MACROD2: variants seen among roughly 807,000 people sequenced by gnomAD.
MACROD2 encodes mono-ADP ribosylhydrolase 2.
Under a neutral mutation model 70.4 loss-of-function variants are expected in MACROD2, and 36 were observed. That is an observed-to-expected ratio of 0.51 (90% CI 0.39 to 0.68). MACROD2 has a LOEUF of 0.68. MACROD2 is among the 30% of genes least tolerant of loss of function. MACROD2 has a pLI of 0.00. For missense variants in MACROD2, 496 were observed against 538.4 expected (o/e 0.92, Z 0.78); for synonymous variants, 172 against 178.8 (o/e 0.96, Z 0.30).
intron 7 of MACROD2, among the ~76,000 whole-genome samples, chr20:15,477,740 G>T (rs569490601): frequency 2.0e-5 from 3 of 152,284 alleles, no homozygotes; most frequent in African/African-American, 2.4e-5. Flanking sequence ...TCCTTGCATG[G>T]CAAAAGAGAC....
Position 14,678,870 on chromosome 20 carries a change from A to C in MACROD2, c.302-5973A>C, listed in dbSNP as rs6110386. Among the ~76,000 whole-genome samples the C allele has an allele frequency of 5.5e-3, 832 of 152,256 alleles. 3 individuals carry two copies. Among genetic ancestry groups the C allele is most frequent in the Non-Finnish European group, 8.0e-3 (541 of 68,026 alleles). On this transcript the variant is annotated intron_variant, in intron 4 of 17. Coordinates refer to ENST00000684519, the MANE Select transcript of MACROD2 (RefSeq NM_001351661.2). ...CCTCATCACCAGATTTGTGATGACA[A>C]CACTAGCTGTGTATTTGACTTTACT... is the stretch of plus-strand genomic sequence containing the variant.
At chr20:15,689,603 T>C (rs1347135159) in intron 8 of MACROD2, among the ~76,000 whole-genome samples, 1 of 151,970 alleles carries the variant, frequency 6.6e-6, no homozygotes, top group Non-Finnish European at 1.5e-5. Flanking sequence ...TCTAGTAAAA[T>C]TTCTAAGATT....
intron 8 of MACROD2, among the ~76,000 whole-genome samples, chr20:15,705,982 T>G (rs765824661): frequency 9.9e-5 from 15 of 152,220 alleles, no homozygotes; most frequent in Admixed American, 3.9e-4. Flanking sequence ...CCAAGTCATT[T>G]TAAAAACATA....
At chr20:15,143,545 T>C (rs2076207984) in intron 5 of MACROD2, among the ~76,000 whole-genome samples, 1 of 152,206 alleles carries the variant, frequency 6.6e-6, no homozygotes, top group Non-Finnish European at 1.5e-5. Context: ...TTTTGGCTTT[T>C]GTTGCCATTG....
intron 12 of MACROD2, among the ~76,000 whole-genome samples, chr20:15,945,457 A>G (rs1311785497): frequency 2.0e-5 from 3 of 152,210 alleles, no homozygotes; most frequent in Non-Finnish European, 4.4e-5. Flanking sequence ...CTATTGCCAC[A>G]TAGACTATGC....
chr20:14,178,941 T>C (rs2081285725), intron 3 of MACROD2, among the ~76,000 whole-genome samples: 2 of 152,172 alleles, frequency 1.3e-5, no homozygotes, highest in South Asian at 4.1e-4. Context: ...GCATTCCTAA[T>C]GTCTAGGCTC....
At chr20:15,808,092 C>T (rs1035802523) in intron 8 of MACROD2, among the ~76,000 whole-genome samples, 4 of 152,094 alleles carry the variant, frequency 2.6e-5, no homozygotes, top group African/African-American at 4.8e-5. Flanking sequence ...AACCCTGTCA[C>T]GCGGACCCCC....
At chr20:14,857,358 C>A (rs2073266064) in intron 5 of MACROD2, among the ~76,000 whole-genome samples, 1 of 152,200 alleles carries the variant, frequency 6.6e-6, no homozygotes, top group African/African-American at 2.4e-5. Context: ...CAGACCTGAA[C>A]AAGGTGAAGA....
intron 8 of MACROD2, among the ~76,000 whole-genome samples, chr20:15,727,371 G>A (rs190507463): frequency 4.6e-5 from 7 of 152,208 alleles, no homozygotes; most frequent in Admixed American, 2.0e-4. Context: ...ATCAAGTAAT[G>A]TGATGGCTCC....
intron 4 of MACROD2, among the ~76,000 whole-genome samples, chr20:14,536,085 G>C (rs1336233133): frequency 1.3e-5 from 2 of 152,092 alleles, no homozygotes; most frequent in Non-Finnish European, 2.9e-5. Flanking sequence ...AAAATCATTT[G>C]AACTATTTGT....
intron 8 of MACROD2, among the ~76,000 whole-genome samples, chr20:15,748,866 T>C (rs62194676): frequency 0.11 from 17,210 of 152,096 alleles, 1,092 homozygotes; most frequent in Admixed American, 0.14. Flanking sequence ...GGTGGAGGGC[T>C]ATAGTAAGAA....
rs994829969 is a variant in MACROD2 at position 15,895,473 on chromosome 20, C to T, written c.775+9662C>T. Among the ~76,000 whole-genome samples, 23 of 152,172 alleles carry T rather than the reference C, an allele frequency of 1.5e-4. 1 individual carries two copies. Among genetic ancestry groups the T allele is most frequent in the Admixed American group, 1.5e-3 (23 of 15,280 alleles). ...GCTGGGCAAGGAGTGAGAAAGGGAG[C>T]GCCATCCGGCAGGCAGCGGTGGATG... is the stretch of plus-strand genomic sequence containing the variant. On this transcript the variant is annotated intron_variant, in intron 10 of 17. Coordinates refer to ENST00000684519, the MANE Select transcript of MACROD2 (RefSeq NM_001351661.2).
At chr20:14,396,797 T>C (rs1456410999) in intron 3 of MACROD2, among the ~76,000 whole-genome samples, 3 of 150,760 alleles carry the variant, frequency 2.0e-5, no homozygotes, top group Non-Finnish European at 4.4e-5. Context: ...TGGTGGCGGG[T>C]GCCTGTAGTT....
chr20:14,256,073 T>A (rs971746356), intron 3 of MACROD2, among the ~76,000 whole-genome samples: 2 of 152,066 alleles, frequency 1.3e-5, no homozygotes, highest in Non-Finnish European at 2.9e-5. Context: ...CATCTAGGAC[T>A]TTTTTCCTAA....
intron 6 of MACROD2, among the ~76,000 whole-genome samples, chr20:15,388,335 G>A (rs890041221): frequency 1.3e-5 from 2 of 152,068 alleles, no homozygotes; most frequent in Non-Finnish European, 2.9e-5. Context: ...CTGGAACGTG[G>A]ATTTCAGGTC....
chr20:15,508,736 C>G (rs2047460735), intron 8 of MACROD2, among the ~76,000 whole-genome samples: 1 of 152,122 alleles, frequency 6.6e-6, no homozygotes, highest in Non-Finnish European at 1.5e-5. Flanking sequence ...GATTTCTTTG[C>G]CACCTGGAGT....
rs1306216798 is a variant in MACROD2 at position 15,788,709 on chromosome 20, C to A, written c.646-74036C>A. Among the ~76,000 whole-genome samples the A allele has an allele frequency of 6.6e-5, 10 of 152,262 alleles. No homozygotes were observed. The East Asian group carries it at 1.7e-3, about 26-fold the overall frequency. The stretch of plus-strand genomic sequence containing the variant: ...GTACGTTTTAAAAAGAAACACAATT[C>A]ATTTTAATAGGTATGCAGTCATTAT... On this transcript the variant is annotated intron_variant, in intron 8 of 17. Coordinates refer to ENST00000684519, the MANE Select transcript of MACROD2 (RefSeq NM_001351661.2).
chr20:14,458,229 G>T (rs1486492618), intron 3 of MACROD2, among the ~76,000 whole-genome samples: 1 of 152,058 alleles, frequency 6.6e-6, no homozygotes, highest in African/African-American at 2.4e-5. Context: ...GTTCACAGAA[G>T]TTCCTTCTTT....
chr20:15,267,562 G>A lies in MACROD2; in HGVS notation c.540+37501G>A, dbSNP rs139347068. Reference sequence around the variant, plus strand: ...AGATATTGAATAAACATGGGATGGCGTCAGACATTCACTAAGCATGCCCCA... The same window carrying A: ...AGATATTGAATAAACATGGGATGGCATCAGACATTCACTAAGCATGCCCCA... On this transcript the variant is annotated intron_variant, in intron 6 of 17. Coordinates refer to ENST00000684519, the MANE Select transcript of MACROD2 (RefSeq NM_001351661.2). Among the ~76,000 whole-genome samples the A allele has an allele frequency of 1.4e-4, 22 of 152,260 alleles. No homozygotes were observed. The East Asian group carries it at 2.5e-3, about 17-fold the overall frequency.
Sources: allele counts gnomAD v4.1 joint callset (sites outside exome capture counted in the v4.1 genomes callset), GRCh38; gene constraint gnomAD v4.1.1; transcripts MANE v1.5; gene names NCBI Gene and HGNC (gene_info 2026-07-23, HGNC 2026-07-21).